Variants in NBEA observed in about 807,000 individuals in gnomAD.
The protein encoded by NBEA is neurobeachin.
In NBEA, 44 loss-of-function variants were observed where a neutral mutation model predicts 343.4. The observed-to-expected ratio is 0.13, with a 90% confidence interval of 0.10 to 0.16. The LOEUF is 0.16. Ranked by LOEUF, NBEA falls within the 10% of genes least tolerant of loss-of-function variation. The pLI is 1.00. For synonymous variants in NBEA, 1,175 were observed against 1,238.7 expected (o/e 0.95, Z 1.08); for missense variants, 2,555 against 3,631.3 (o/e 0.70, Z 7.62).
At position 34,942,665 on chromosome 13, in the gene NBEA, C is replaced by CGGGCT; in HGVS notation, c.-154_-150dup. The CGGGCT allele has an allele frequency of 2.3e-6, 1 of 435,012 alleles. No homozygotes were observed. Among genetic ancestry groups the CGGGCT allele is most frequent in the Non-Finnish European group, 3.7e-6 (1 of 270,940 alleles). 26.9% of individuals were successfully genotyped at this position (435,012 alleles called of 1,614,324 possible). The stretch of plus-strand genomic sequence containing the variant: ...CGCGGGGGAGAGCGCCGGAGCGGGC[C>CGGGCT]GGGCTGAGGCGCAGGCGGGGAGCGG... On this transcript the variant is annotated 5_prime_UTR_variant, in exon 1 of 59. Coordinates refer to ENST00000379939, the MANE Select transcript of NBEA (RefSeq NM_001385012.1).
chr13:35,602,073 T>G (rs944447118), intron 47 of NBEA, among the ~76,000 whole-genome samples: 2 of 152,182 alleles, frequency 1.3e-5, no homozygotes, highest in Non-Finnish European at 2.9e-5. Flanking sequence ...AAATGTTACC[T>G]GCTGGTTTAA....
chr13:35,051,140 G>T (rs1468705157), intron 6 of NBEA, among the ~76,000 whole-genome samples: 1 of 151,942 alleles, frequency 6.6e-6, no homozygotes, highest in Non-Finnish European at 1.5e-5. Context: ...CCAGATGAAA[G>T]AAAACCAGGA....
intron 18 of NBEA, among the ~76,000 whole-genome samples, chr13:35,151,479 G>C (rs1375449102): frequency 6.7e-6 from 1 of 149,760 alleles, no homozygotes; most frequent in Non-Finnish European, 1.5e-5. Context: ...GGAGGTGGAG[G>C]TTGCGGTGAG....
intron 34 of NBEA, among the ~76,000 whole-genome samples, chr13:35,272,193 C>A (rs924944050): frequency 6.6e-6 from 1 of 152,164 alleles, no homozygotes; most frequent in African/African-American, 2.4e-5. Flanking sequence ...GAGAGTGGGG[C>A]CAATATTCAA....
chr13:35,497,275 C>A (rs897771669), intron 41 of NBEA, among the ~76,000 whole-genome samples: 29 of 151,982 alleles, frequency 1.9e-4, no homozygotes, highest in African/African-American at 7.0e-4. Context: ...AAAAAGTGGA[C>A]TGAAAAATAT....
chr13:35,052,089 G>T (rs2063083529), intron 6 of NBEA, among the ~76,000 whole-genome samples: 1 of 152,000 alleles, frequency 6.6e-6, no homozygotes, highest in African/African-American at 2.4e-5. Flanking sequence ...GCCAGAGAGT[G>T]ATGTGGATTT....
At chr13:35,262,086 G>A (rs538694134) in intron 34 of NBEA, among the ~76,000 whole-genome samples, 6 of 152,252 alleles carry the variant, frequency 3.9e-5, no homozygotes, top group South Asian at 2.1e-4. Context: ...CATCGTTAGC[G>A]ATCAGGTAAA....
chr13:35,570,557 A>T (rs1173602552), intron 45 of NBEA, among the ~76,000 whole-genome samples: 1 of 152,238 alleles, frequency 6.6e-6, no homozygotes, highest in Non-Finnish European at 1.5e-5. Flanking sequence ...CTCTTAAAAG[A>T]TAGGTAGCTT....
At chr13:35,442,195 G>T in intron 39 of NBEA, among the ~76,000 whole-genome samples, 1 of 152,002 alleles carries the variant, frequency 6.6e-6, no homozygotes, top group Non-Finnish European at 1.5e-5. Context: ...CTTTTTCTGT[G>T]TGTATTTTAT....
At chr13:35,350,728 ATGTGTGTGTGTGTGTGTGTG>A (rs34088295) in intron 37 of NBEA, among the ~76,000 whole-genome samples, 6 of 137,944 alleles carry the variant, frequency 4.3e-5, no homozygotes, top group Admixed American at 2.2e-4. Context: ...AGAGCTATTG[ATGTGTGTGTGTGTGTGTGTG>A]TGTGTGTGTG....
At position 35,117,566 on chromosome 13, in the gene NBEA, A is replaced by G. The variant is rs549312944; in HGVS notation, c.2082+73A>G. The G allele has an allele frequency of 1.0e-5, 7 of 672,136 alleles. No individual in the cohort carries two copies. The Admixed American group carries it at 2.2e-4, about 21-fold the overall frequency. The allele number at this position is 672,136 out of a possible 1,614,324, so 41.6% of individuals were successfully genotyped here. ...GGAATTTCTGGCATGTTTTAAAATT[A>G]TTAAATTAGTAATAGCTACCTTTAA... On this transcript the variant is annotated intron_variant, in intron 14 of 58. Transcript: ENST00000379939.
intron 10 of NBEA, among the ~76,000 whole-genome samples, chr13:35,078,043 T>TTG (rs1001234843): frequency 8.5e-5 from 13 of 152,194 alleles, no homozygotes; most frequent in African/African-American, 3.1e-4. Context: ...TTAAGGTGTC[T>TTG]TGGAGTCTTA....
At chr13:35,243,470 GCT>G (rs1275394936) in intron 34 of NBEA, among the ~76,000 whole-genome samples, 3 of 151,850 alleles carry the variant, frequency 2.0e-5, no homozygotes, top group Non-Finnish European at 4.4e-5. Context: ...ACATAGATTA[GCT>G]GAATGGATAA....
In NBEA at chr13:35,182,789, C is replaced by A. The variant is rs552862945; in HGVS notation, c.4831+261C>A. ...TATTAATACAAATCATTAATTTATA[C>A]CACTATTTAATATGCAAGTAACTCA... On this transcript the variant is annotated intron_variant, in intron 29 of 58. Transcript: ENST00000379939. 1.4e-4 allele frequency among the ~76,000 whole-genome samples: 22 copies of A among 151,814 alleles called. No individual in the cohort carries two copies. The South Asian group carries it at 4.4e-3, about 30-fold the overall frequency.
At chr13:34,972,074 A>G (rs1056046130) in intron 1 of NBEA, among the ~76,000 whole-genome samples, 5 of 151,910 alleles carry the variant, frequency 3.3e-5, no homozygotes, top group African/African-American at 1.2e-4. Flanking sequence ...TTGGCAGGGT[A>G]TATGTGTTCA....
At chr13:35,450,358 A>G (rs1420624179) in intron 39 of NBEA, among the ~76,000 whole-genome samples, 2 of 152,046 alleles carry the variant, frequency 1.3e-5, no homozygotes, top group African/African-American at 4.8e-5. Flanking sequence ...ATTGTGGTAT[A>G]CATCTGTGGT....
intron 34 of NBEA, 41 bp downstream of exon 34, chr13:35,232,660 G>T: frequency 7.4e-7 from 1 of 1,358,148 alleles, no homozygotes. Context: ...TTCCTATAAT[G>T]TATGTATTAA....
intron 41 of NBEA, among the ~76,000 whole-genome samples, chr13:35,480,428 G>A (rs1203371804): frequency 1.3e-5 from 2 of 152,040 alleles, no homozygotes; most frequent in Admixed American, 6.5e-5. Context: ...TGGAAAAAAG[G>A]TATCTGTTAA....
chr13:35,439,788 A>G (rs1289508143), intron 39 of NBEA, among the ~76,000 whole-genome samples: 2 of 152,224 alleles, frequency 1.3e-5, no homozygotes, highest in Non-Finnish European at 2.9e-5. Context: ...CAGATCTTCT[A>G]TCAGTTCTAT....
Sources: gnomAD v4.1 joint callset for allele counts (sites outside exome capture counted in the v4.1 genomes callset) on GRCh38, gnomAD v4.1.1 for gene constraint, MANE v1.5 for transcripts, NCBI Gene and HGNC (gene_info 2026-07-23, HGNC 2026-07-21) for gene names.